Variants in SELENOF observed in about 807,000 individuals in gnomAD.
The protein encoded by SELENOF is selenoprotein F, also known as 15 kDa selenoprotein.
A neutral mutation model predicts 20.5 loss-of-function variants in SELENOF; 16 were observed. The observed-to-expected ratio is 0.78, with a 90% confidence interval of 0.53 to 1.19. SELENOF has a LOEUF of 1.19. SELENOF is among the 50% of genes most tolerant of loss of function. The probability of loss-of-function intolerance (pLI) is 0.00; values close to 1 mark genes in which losing one functional copy is unlikely to be tolerated. For missense variants in SELENOF, 215 were observed against 194.2 expected, an observed-to-expected ratio of 1.11 and a Z score of -0.64; for synonymous variants, 78 against 74.5, an observed-to-expected ratio of 1.05 and a Z score of -0.24.
At chr1:86,890,917 C>T (rs1557464046) in intron 2 of SELENOF, among the ~76,000 whole-genome samples, 1 of 151,984 alleles carries the variant, frequency 6.6e-6, no homozygotes. Context: ...CTCTTAGTTC[C>T]CCTTTCCTTC....
chr1:86,887,035 C>T (rs887089083), intron 2 of SELENOF: 2 of 1,129,698 alleles, frequency 1.8e-6, no homozygotes, highest in Non-Finnish European at 2.3e-6. Context: ...ATTTGGTCAG[C>T]GAATTCTCAG....
chr1:86,894,549 T>C (rs1659471638), intron 2 of SELENOF, among the ~76,000 whole-genome samples: 1 of 152,186 alleles, frequency 6.6e-6, no homozygotes, highest in African/African-American at 2.4e-5. Flanking sequence ...AATTGAGCTC[T>C]ACCTGGACAA....
chr1:86,898,813 T>C (rs908565695), intron 2 of SELENOF, among the ~76,000 whole-genome samples: 1 of 151,810 alleles, frequency 6.6e-6, no homozygotes, highest in Non-Finnish European at 1.5e-5. Flanking sequence ...TATTGATCAT[T>C]CTTGGGTGTT....
intron 1 of SELENOF, among the ~76,000 whole-genome samples, chr1:86,909,481 T>C (rs1166116029): frequency 6.6e-6 from 1 of 152,178 alleles, no homozygotes; most frequent in Non-Finnish European, 1.5e-5. Context: ...TTTGATGGCA[T>C]GGAGCAACAA....
upstream of SELENOF, chr1:86,914,175 A>T: frequency 6.9e-7 from 1 of 1,445,244 alleles, no homozygotes; most frequent in African/African-American, 1.4e-5. Flanking sequence ...CCAGAGCCTG[A>T]TCCAAAACAG....
chr1:86,899,993 G>A lies in SELENOF; in HGVS notation c.252+3288C>T, dbSNP rs1250769030. Among the ~76,000 whole-genome samples the A allele has an allele frequency of 7.2e-5, 10 of 139,170 alleles. No individual in the cohort carries two copies. The East Asian group carries it at 7.8e-4, about 11-fold the overall frequency. 91.3% of individuals were successfully genotyped at this position (139,170 alleles called of 152,430 possible). ...GCTCCCCACATCTCAGACGATGGGC[G>A]GCCGGGCAGAGACACTCCTCACTTC... On this transcript the variant is annotated intron_variant, in intron 2 of 4. Transcript: ENST00000331835.
In SELENOF at chr1:86,903,373, AG is replaced by A; in HGVS notation, c.159del (p.Ser54LeufsTer78). ...ELGFSSNLLC[S>X]SCDLLGQFNL... Reference sequence around the variant, plus strand: ...TTGAACTGTCCGAGAAGATCACAAGAGCTGCAAAGCAAGTTGCTAGAAAAGC... The same window carrying A: ...TTGAACTGTCCGAGAAGATCACAAGACTGCAAAGCAAGTTGCTAGAAAAGC... On this transcript the variant is annotated frameshift_variant, in exon 2 of 5. Transcript: ENST00000331835. LOFTEE classifies it high-confidence loss of function. The A allele has an allele frequency of 6.2e-7, 1 of 1,612,358 alleles. No individual in the cohort carries two copies. Among genetic ancestry groups the A allele is most frequent in the African/African-American group, 1.3e-5 (1 of 75,022 alleles).
intron 1 of SELENOF, among the ~76,000 whole-genome samples, chr1:86,911,362 G>A (rs1042721987): frequency 1.3e-5 from 2 of 152,208 alleles, no homozygotes; most frequent in Non-Finnish European, 2.9e-5. Context: ...GTCTGGTGAG[G>A]GAGAATACAG....
intron 2 of SELENOF, chr1:86,887,134 T>C: frequency 6.6e-6 from 10 of 1,523,224 alleles, no homozygotes; most frequent in Non-Finnish European, 8.8e-6. Flanking sequence ...TACTTTCTGA[T>C]TAATGACACT....
Position 86,863,620 on chromosome 1 carries a change from G to T in SELENOF, c.367-15C>A. The T allele has an allele frequency of 6.2e-7, 1 of 1,609,032 alleles. No homozygotes were observed. The highest frequency in any genetic ancestry group is 1.1e-5 in the South Asian group (1 of 90,546). ...CCACGGACATACTACAAAAAAGAGG[G>T]ACGTCATCATTACTTTCTGTTCAGA... is the stretch of plus-strand genomic sequence containing the variant. On this transcript the variant is annotated splice_polypyrimidine_tract_variant and intron_variant, in intron 4 of 4. Transcript: ENST00000331835.
At chr1:86,887,919 T>C (rs1388826834) in intron 2 of SELENOF, among the ~76,000 whole-genome samples, 1 of 152,084 alleles carries the variant, frequency 6.6e-6, no homozygotes, top group Non-Finnish European at 1.5e-5. Flanking sequence ...GAAGTGAGAA[T>C]GTGACCACTA....
chr1:86,894,588 C>G (rs1204075090), intron 2 of SELENOF, among the ~76,000 whole-genome samples: 1 of 152,028 alleles, frequency 6.6e-6, no homozygotes, highest in East Asian at 1.9e-4. Flanking sequence ...GCTTGTAATC[C>G]CAGTGACTTG....
chr1:86,903,005 G>A (rs900934272), intron 2 of SELENOF, among the ~76,000 whole-genome samples: 2 of 152,168 alleles, frequency 1.3e-5, no homozygotes, highest in Admixed American at 1.3e-4. Context: ...CCAGAAGTTA[G>A]GAAGACTGGA....
At chr1:86,891,250 T>C (rs901348167) in intron 2 of SELENOF, among the ~76,000 whole-genome samples, 2 of 151,978 alleles carry the variant, frequency 1.3e-5, no homozygotes, top group East Asian at 3.9e-4. Context: ...GGTTTCTCCA[T>C]GTTGGTCAGG....
chr1:86,886,347 G>C (rs746601545), intron 2 of SELENOF, among the ~76,000 whole-genome samples: 12 of 152,044 alleles, frequency 7.9e-5, no homozygotes, highest in Middle Eastern at 3.4e-3. Context: ...TGGTAAAACA[G>C]TAGGCTCTTT....
intron 2 of SELENOF, among the ~76,000 whole-genome samples, chr1:86,902,870 T>G (rs946151588): frequency 6.6e-6 from 1 of 152,210 alleles, no homozygotes; most frequent in African/African-American, 2.4e-5. Context: ...GATTTCATGT[T>G]ACAATTTATT....
chr1:86,903,736 A>G (rs1290352599), intron 1 of SELENOF, among the ~76,000 whole-genome samples: 2 of 152,210 alleles, frequency 1.3e-5, no homozygotes, highest in Non-Finnish European at 2.9e-5. Flanking sequence ...CTGGGATTAC[A>G]GGCGCATGCC....
chr1:86,914,560 G>C (rs1660090241), upstream of SELENOF: 1 of 199,600 alleles, frequency 5.0e-6, no homozygotes, highest in South Asian at 7.5e-5. Context: ...CGGGGCTTCT[G>C]GTTGCCGAGC....
intron 2 of SELENOF, among the ~76,000 whole-genome samples, chr1:86,900,897 T>G (rs567770319): frequency 1.1e-4 from 16 of 152,228 alleles, no homozygotes; most frequent in Admixed American, 9.8e-4. Flanking sequence ...TGTTTAAATA[T>G]ATGTATCTTT....
Sources: gnomAD v4.1 joint callset for allele counts (sites outside exome capture counted in the v4.1 genomes callset) on GRCh38, gnomAD v4.1.1 for gene constraint, MANE v1.5 for transcripts, NCBI Gene and HGNC (gene_info 2026-07-23, HGNC 2026-07-21) for gene names.